Variants in RBM34 observed in about 807,000 individuals in gnomAD.
RBM34 encodes RNA-binding protein 34.
In RBM34, 39 loss-of-function variants were observed where a neutral mutation model predicts 44.6. The ratio of observed to expected loss-of-function variants is 0.87; its 90% CI spans 0.68 to 1.14. RBM34 has a LOEUF of 1.14. Ranked by LOEUF, RBM34 falls within the 50% of genes most tolerant of loss-of-function variation. The pLI, the probability that RBM34 is intolerant of heterozygous loss-of-function variation, is 0.00. For missense variants in RBM34, 572 were observed against 517.9 expected, an observed-to-expected ratio of 1.10 and a Z score of -1.01; for synonymous variants, 194 against 184.0, an observed-to-expected ratio of 1.05 and a Z score of -0.44.
At chr1:235,158,626 A>T (rs1662555080) in intron 3 of RBM34, among the ~76,000 whole-genome samples, 1 of 152,156 alleles carries the variant, frequency 6.6e-6, no homozygotes, top group Non-Finnish European at 1.5e-5. Flanking sequence ...AAGTTTAAAT[A>T]GGACAAAAAG....
rs371411935 is a variant in RBM34, at chr1:235,148,430, C to T, written c.675G>A (p.Thr225=). ...RFRSLIPAEG[T]LSKKLAAIKR... ...TTATTGCTGCCAACTTTTTGGATAG[C>T]GTTCCCTCTGCTGGAATCTTTCAAG... The change falls in exon 6 of 11, where the codon ACG becomes ACA. Residue 225 remains threonine (T), a synonymous_variant. Transcript: ENST00000408888. The T allele has an allele frequency of 4.4e-6, 7 of 1,593,664 alleles. No individual in the cohort carries two copies. Among genetic ancestry groups the T allele is most frequent in the African/African-American group, 1.4e-5 (1 of 73,916 alleles).
intron 6 of RBM34, among the ~76,000 whole-genome samples, chr1:235,138,781 T>G (rs192848239): frequency 6.6e-6 from 1 of 151,382 alleles, no homozygotes; most frequent in Admixed American, 6.6e-5. Context: ...GTCTATACTT[T>G]TGACCTGATA....
intron 6 of RBM34, among the ~76,000 whole-genome samples, chr1:235,144,268 T>A (rs2102840887): frequency 6.7e-6 from 1 of 149,906 alleles, no homozygotes; most frequent in South Asian, 2.3e-4. Flanking sequence ...TGACTCTACT[T>A]ATATAAAATT....
At chr1:235,140,224 A>C (rs1464678470) in intron 6 of RBM34, among the ~76,000 whole-genome samples, 2 of 152,176 alleles carry the variant, frequency 1.3e-5, no homozygotes, top group Non-Finnish European at 2.9e-5. Flanking sequence ...GCGCTGTGGG[A>C]GCCCGTTTCT....
chr1:235,132,785 C>A (rs2102821161), intron 10 of RBM34, among the ~76,000 whole-genome samples: 1 of 152,110 alleles, frequency 6.6e-6, no homozygotes, highest in Middle Eastern at 3.4e-3. Context: ...CAATATAGAG[C>A]CATTAATGCT....
intron 5 of RBM34, among the ~76,000 whole-genome samples, chr1:235,149,647 T>C (rs1451896638): frequency 6.6e-6 from 1 of 152,034 alleles, no homozygotes; most frequent in Non-Finnish European, 1.5e-5. Flanking sequence ...TAAGAGTGGA[T>C]GGGGCAGGTA....
At chr1:235,155,848 T>C (rs1386536950) in intron 3 of RBM34, among the ~76,000 whole-genome samples, 8 of 28,924 alleles carry the variant, frequency 2.8e-4, no homozygotes, top group East Asian at 9.0e-4. Flanking sequence ...TATATATATA[T>C]ATATATATAT....
At chr1:235,136,299 C>T (rs1434609980) in intron 8 of RBM34, among the ~76,000 whole-genome samples, 3 of 152,106 alleles carry the variant, frequency 2.0e-5, no homozygotes, top group Admixed American at 6.6e-5. Context: ...CACTGACACA[C>T]GGTAGGGATC....
intron 6 of RBM34, among the ~76,000 whole-genome samples, chr1:235,141,894 C>T (rs1422860692): frequency 6.6e-6 from 1 of 152,210 alleles, no homozygotes; most frequent in Non-Finnish European, 1.5e-5. Flanking sequence ...CGACGCACCA[C>T]CTTAAGAGCT....
At chr1:235,137,580 T>C (rs1255844649) in intron 8 of RBM34, among the ~76,000 whole-genome samples, 1 of 151,128 alleles carries the variant, frequency 6.6e-6, no homozygotes, top group Non-Finnish European at 1.5e-5. Flanking sequence ...TCTTGCTACA[T>C]TGCTCAGGCT....
At position 235,154,927 on chromosome 1, in the gene RBM34, T is replaced by A. The variant is rs768052595; in HGVS notation, c.551A>T (p.Glu184Val). ...INQEEERLKN[E>V]RTVFVGNLPV... The stretch of plus-strand genomic sequence containing the variant: ...CAAATTCCCAACAAACACAGTTCTC[T>A]CATTCTTTAATCTCTCTTCTTCTTG... The change falls in exon 4 of 11, where the codon GAG becomes GTG. Residue 184 changes from glutamate (E) to valine (V), a missense_variant. By Grantham distance (121) the Glu-to-Val change is moderately radical. Coordinates refer to ENST00000408888, the MANE Select transcript of RBM34 (RefSeq NM_015014.4). 4 of 1,614,112 alleles carry A rather than the reference T, an allele frequency of 2.5e-6. No individual in the cohort carries two copies. The highest frequency in any genetic ancestry group is 1.7e-5 in the Admixed American group (1 of 60,018).
At chr1:235,136,101 T>G (rs1661416609) in intron 8 of RBM34, 28 bp from the exon 9 acceptor site, 1 of 1,576,290 alleles carries the variant, frequency 6.3e-7, no homozygotes, top group East Asian at 2.2e-5. Flanking sequence ...TTAATAAAAA[T>G]CACTCACTAG....
At chr1:235,159,437 G>T (rs1449152006) in intron 3 of RBM34, among the ~76,000 whole-genome samples, 1 of 151,158 alleles carries the variant, frequency 6.6e-6, no homozygotes, top group African/African-American at 2.4e-5. Context: ...AGTCCCAGCT[G>T]CTCAGTAGGC....
At chr1:235,134,714 G>T (rs1395437742) in intron 10 of RBM34, among the ~76,000 whole-genome samples, 1 of 151,466 alleles carries the variant, frequency 6.6e-6, no homozygotes, top group East Asian at 1.9e-4. Context: ...AATATATTAT[G>T]GCAGGTTATA....
chr1:235,141,803 T>C (rs67841162), intron 6 of RBM34, among the ~76,000 whole-genome samples: 107,401 of 151,910 alleles, frequency 0.71, 38,815 homozygotes, highest in African/African-American at 0.83. Context: ...TCTGCAGCTT[T>C]ACTCCTGAGC....
At position 235,161,021 on chromosome 1, in the gene RBM34, T is replaced by G. The variant is rs1287052883; in HGVS notation, c.100A>C (p.Arg34=). 3 of 1,613,894 alleles carry G rather than the reference T, an allele frequency of 1.9e-6. No individual in the cohort carries two copies. The South Asian group carries it at 3.3e-5, about 18-fold the overall frequency. The change falls in exon 2 of 11, where the codon AGG becomes CGG. Residue 34 remains arginine, a synonymous_variant. Coordinates refer to ENST00000408888, the MANE Select transcript of RBM34 (RefSeq NM_015014.4). ...GVRGSPPEDY[R]LGQVASSLFR... is the part of the protein sequence containing the mutation. ...AAGCTACTGGCGACCTGTCCAAGCCTGTAGTCTTCCGGCGGACTCCCGCGA... is the reference window on the plus strand; with the variant it reads ...AAGCTACTGGCGACCTGTCCAAGCCGGTAGTCTTCCGGCGGACTCCCGCGA...
chr1:235,148,569 TAAAC>T (rs1022025209), intron 5 of RBM34, 122 bp from the exon 6 acceptor site: 13 of 643,870 alleles, frequency 2.0e-5, no homozygotes, highest in South Asian at 1.2e-4. Context: ...TCTAGGGAAA[TAAAC>T]AAATCAGAAA....
At chr1:235,139,137 G>C (rs1661567031) in intron 6 of RBM34, among the ~76,000 whole-genome samples, 2 of 152,150 alleles carry the variant, frequency 1.3e-5, no homozygotes, top group African/African-American at 4.8e-5. Context: ...ATATAATTTG[G>C]ATGTGAGGAG....
chr1:235,159,836 T>C (rs1355839885), intron 3 of RBM34, among the ~76,000 whole-genome samples: 1 of 143,714 alleles, frequency 7.0e-6, no homozygotes, highest in East Asian at 2.0e-4. Flanking sequence ...GCCACTGCAC[T>C]CCAGTCTGGA....
Sources: allele counts gnomAD v4.1 joint callset (sites outside exome capture counted in the v4.1 genomes callset), GRCh38; gene constraint gnomAD v4.1.1; transcripts MANE v1.5; gene names NCBI Gene and HGNC (gene_info 2026-07-23, HGNC 2026-07-21).